Variants in CEP350 observed in about 807,000 individuals in gnomAD.
CEP350 encodes centrosome-associated protein 350.
Under a neutral mutation model 331.8 loss-of-function variants are expected in CEP350, and 126 were observed. That is an observed-to-expected ratio of 0.38 (90% CI 0.33 to 0.44). The LOEUF (loss-of-function observed/expected upper bound fraction) is 0.44, where lower values mean the gene tolerates loss of function less well. Ranked by LOEUF, CEP350 falls within the 20% of genes least tolerant of loss-of-function variation. The probability of loss-of-function intolerance (pLI) is 1.00; values close to 1 mark genes in which losing one functional copy is unlikely to be tolerated. For synonymous variants in CEP350, 1,200 were observed against 1,259.5 expected, an observed-to-expected ratio of 0.95 and a Z score of 1.00; for missense variants, 3,406 against 3,634.6, an observed-to-expected ratio of 0.94 and a Z score of 1.62.
At chr1:180,089,540 G>T (rs796506303) in intron 32 of CEP350, among the ~76,000 whole-genome samples, 2 of 148,908 alleles carry the variant, frequency 1.3e-5, no homozygotes, top group South Asian at 2.1e-4. Context: ...CCGAGATCAC[G>T]CCATTGCACC....
intron 37 of CEP350, among the ~76,000 whole-genome samples, chr1:180,104,542 A>G (rs1273955787): frequency 6.6e-6 from 1 of 152,188 alleles, no homozygotes; most frequent in Non-Finnish European, 1.5e-5. Context: ...TGGCATAAGC[A>G]GTTAAGAGCA....
chr1:180,052,305 C>T (rs1229267895), intron 22 of CEP350: 1 of 447,970 alleles, frequency 2.2e-6, no homozygotes, highest in South Asian at 1.6e-5. Flanking sequence ...TCCCAAAATG[C>T]TGGAATTACA....
chr1:180,044,800 A>G, intron 21 of CEP350, among the ~76,000 whole-genome samples: 1 of 151,460 alleles, frequency 6.6e-6, no homozygotes, highest in African/African-American at 2.4e-5. Context: ...CACATTGTGC[A>G]CATGTACCCT....
intron 6 of CEP350, among the ~76,000 whole-genome samples, chr1:180,002,417 T>C (rs1389970181): frequency 6.6e-6 from 1 of 152,152 alleles, no homozygotes; most frequent in African/African-American, 2.4e-5. Flanking sequence ...GAGGTTGCAG[T>C]GAGCTGAGAT....
chr1:179,976,187 T>G (rs1651852137), intron 1 of CEP350, among the ~76,000 whole-genome samples: 1 of 152,146 alleles, frequency 6.6e-6, no homozygotes, highest in East Asian at 1.9e-4. Flanking sequence ...TTTTTTAATG[T>G]TTAAATTGTT....
Position 180,011,227 on chromosome 1 carries a change from A to G in CEP350, c.1247-702A>G, listed in dbSNP as rs184987419. On this transcript the variant is annotated intron_variant, in intron 8 of 37. Coordinates refer to ENST00000367607, the MANE Select transcript of CEP350 (RefSeq NM_014810.5). ...TACTTTTGGTACATATCTGTAAAAT[A>G]TTATGTGAAAGTCCCTGTAATACCA... Among the ~76,000 whole-genome samples, 256 of 152,354 alleles carry G rather than the reference A, an allele frequency of 1.7e-3. 6 individuals are homozygous for G. In the South Asian group the frequency reaches 0.044, roughly 26 times the overall value.
intron 1 of CEP350, among the ~76,000 whole-genome samples, chr1:179,962,629 C>CT (rs1349312870): frequency 6.6e-6 from 1 of 152,040 alleles, no homozygotes; most frequent in Non-Finnish European, 1.5e-5. Context: ...AGGCTGGTCT[C>CT]AAACTCCTGA....
chr1:180,006,270 C>T (rs1485239492), intron 7 of CEP350, among the ~76,000 whole-genome samples, 184 bp from the exon 8 acceptor site: 2 of 152,058 alleles, frequency 1.3e-5, no homozygotes, highest in Non-Finnish European at 2.9e-5. Context: ...ATATATTTTC[C>T]AACTCCTTTT....
intron 21 of CEP350, among the ~76,000 whole-genome samples, chr1:180,044,620 T>C (rs1189622063): frequency 2.3e-5 from 3 of 128,878 alleles, no homozygotes; most frequent in Admixed American, 9.9e-5. Flanking sequence ...AGGTGGGAAT[T>C]GAACAATGAG....
At chr1:180,047,757 C>CAAAAAAAAAAAAA (rs5779043) in intron 21 of CEP350, among the ~76,000 whole-genome samples, 11 of 74,014 alleles carry the variant, frequency 1.5e-4, no homozygotes, top group African/African-American at 2.0e-4. Flanking sequence ...TGAAACTCCT[C>CAAAAAAAAAAAAA]AAAAAAAAAA....
chr1:180,093,398 T>A lies in CEP350; in HGVS notation c.7293T>A (p.Ser2431Arg). ...CAAGTGGAGCCACTAGCTTTGGTAG[T>A]AATGAGGAAATCAGTGAGTGCCTAA... ...SSTSGATSFG[S>R]NEEISECLSE... Residue 2431 changes from serine to arginine, a missense_variant, in exon 34 of 38, where the codon AGT becomes AGA. Transcript: ENST00000367607. The A allele has an allele frequency of 6.3e-7, 1 of 1,599,236 alleles. No homozygotes were observed. The highest frequency in any genetic ancestry group is 1.3e-5 in the African/African-American group (1 of 74,834).
intron 22 of CEP350, chr1:180,052,099 A>G (rs770247795): frequency 4.3e-5 from 17 of 391,704 alleles, no homozygotes; most frequent in Non-Finnish European, 7.0e-5. Flanking sequence ...ACACGTATAC[A>G]TGGATTAATA....
At chr1:180,104,995 C>G (rs545153161) in intron 37 of CEP350, among the ~76,000 whole-genome samples, 1 of 152,006 alleles carries the variant, frequency 6.6e-6, no homozygotes, top group Non-Finnish European at 1.5e-5. Context: ...CATCACTTCC[C>G]CCTCCAATTT....
At chr1:179,973,491 T>C (rs1651610457) in intron 1 of CEP350, among the ~76,000 whole-genome samples, 1 of 152,230 alleles carries the variant, frequency 6.6e-6, no homozygotes, top group South Asian at 2.1e-4. Context: ...CAGTAACGTT[T>C]ATATGTATTT....
At chr1:180,064,850 ACATTTCTTCT>A (rs1658450113) in intron 26 of CEP350, among the ~76,000 whole-genome samples, 1 of 152,024 alleles carries the variant, frequency 6.6e-6, no homozygotes, top group African/African-American at 2.4e-5. Flanking sequence ...TGGATTTCTT[ACATTTCTTCT>A]TTTTTAAAAT....
chr1:180,050,787 T>C (rs1033728482), intron 22 of CEP350, among the ~76,000 whole-genome samples: 4 of 150,994 alleles, frequency 2.6e-5, no homozygotes, highest in Admixed American at 2.0e-4. Flanking sequence ...AGATGGCACA[T>C]AGACACAGGA....
intron 3 of CEP350, among the ~76,000 whole-genome samples, chr1:179,988,698 G>A (rs1045044475): frequency 1.3e-5 from 2 of 151,368 alleles, no homozygotes; most frequent in South Asian, 4.2e-4. Context: ...TGCTCTCTGG[G>A]CAAATTACTT....
rs149666597 is a variant in CEP350, at chr1:179,962,142, C to T, written c.-14+7000C>T. 3.4e-3 allele frequency among the ~76,000 whole-genome samples: 518 copies of T among 152,180 alleles called. 2 individuals are homozygous for T. Among genetic ancestry groups the T allele is most frequent in the African/African-American group, 0.012 (482 of 41,498 alleles). On this transcript the variant is annotated intron_variant, in intron 1 of 37. Transcript: ENST00000367607. ...TATTACAGGCGTGAGCCACCACGCC[C>T]GGCCCTTTCCCACTTTTGGAATCCA...
intron 30 of CEP350, among the ~76,000 whole-genome samples, chr1:180,081,160 A>G (rs1396740067): frequency 6.6e-6 from 1 of 151,920 alleles, no homozygotes; most frequent in African/African-American, 2.4e-5. Flanking sequence ...GAGCCACTGC[A>G]CCCGGCCCAC....
Sources: allele counts gnomAD v4.1 joint callset (sites outside exome capture counted in the v4.1 genomes callset), GRCh38; gene constraint gnomAD v4.1.1; transcripts MANE v1.5; gene names NCBI Gene and HGNC (gene_info 2026-07-23, HGNC 2026-07-21).